The following ZBTB43 variants were observed in gnomAD, a reference collection of about 807,000 sequenced individuals.
ZBTB43 encodes zinc finger and BTB domain-containing protein 43.
A neutral mutation model predicts 31.1 loss-of-function variants in ZBTB43; 6 were observed. That is an observed-to-expected ratio of 0.19 (90% CI 0.11 to 0.38). The LOEUF (loss-of-function observed/expected upper bound fraction) is 0.38. ZBTB43 is among the 10% of genes least tolerant of loss of function. The pLI is 1.00. For missense variants in ZBTB43, 379 were observed against 602.1 expected, an observed-to-expected ratio of 0.63 and a Z score of 3.88; for synonymous variants, 212 against 221.7, an observed-to-expected ratio of 0.96 and a Z score of 0.39.
intron 2 of ZBTB43, among the ~76,000 whole-genome samples, chr9:126,811,584 C>T (rs921245368): frequency 1.3e-5 from 2 of 152,110 alleles, no homozygotes; most frequent in African/African-American, 2.4e-5. Flanking sequence ...AATTCAAAGT[C>T]GGCATTGGTA....
intron 1 of ZBTB43, among the ~76,000 whole-genome samples, chr9:126,806,988 C>T (rs987664097): frequency 1.3e-5 from 2 of 152,102 alleles, no homozygotes; most frequent in African/African-American, 4.8e-5. Flanking sequence ...TGAAAAATAG[C>T]CCTTTTATTA....
At chr9:126,807,157 A>G (rs2032144675) in intron 1 of ZBTB43, among the ~76,000 whole-genome samples, 1 of 152,182 alleles carries the variant, frequency 6.6e-6, no homozygotes, top group South Asian at 2.1e-4. Flanking sequence ...TACTTTATTT[A>G]ATTGAATCCT....
intron 2 of ZBTB43, among the ~76,000 whole-genome samples, chr9:126,811,403 A>G (rs2032245964): frequency 6.6e-6 from 1 of 152,124 alleles, no homozygotes; most frequent in African/African-American, 2.4e-5. Context: ...AAAAATACCT[A>G]TTGAGTGGGT....
rs1166902166 is a variant in ZBTB43, at chr9:126,834,960, G to A, written c.*1047G>A. 6.0e-6 allele frequency: 1 copy of A among 167,014 alleles called. No homozygotes were observed. Among genetic ancestry groups the A allele is most frequent in the East Asian group, 1.9e-4 (1 of 5,200 alleles). 10.3% of individuals were successfully genotyped at this position (167,014 alleles called of 1,614,324 possible). On this transcript the variant is annotated 3_prime_UTR_variant, in exon 3 of 3. Transcript: ENST00000373464. Reference sequence around the variant, plus strand: ...GACACTCCACCAACCAGAGTGAGAGGGCAGATAGGCAGGATTCTATGAGTG... The same window carrying A: ...GACACTCCACCAACCAGAGTGAGAGAGCAGATAGGCAGGATTCTATGAGTG...
intron 2 of ZBTB43, among the ~76,000 whole-genome samples, chr9:126,811,074 T>G (rs996127650): frequency 4.0e-5 from 6 of 151,402 alleles, no homozygotes; most frequent in African/African-American, 1.5e-4. Flanking sequence ...ACACAAAAAT[T>G]AGCTGGGCGT....
In ZBTB43 at chr9:126,838,201, C is replaced by T. The variant is rs983854271; in HGVS notation, c.*4288C>T. On this transcript the variant is annotated 3_prime_UTR_variant, in exon 3 of 3. Transcript: ENST00000373464. ...TGTTTTAATAAATGTTATCTGTCAACTTTGTAAAAGTTTTGTTTTTCACTA... is the reference window on the plus strand; with the variant it reads ...TGTTTTAATAAATGTTATCTGTCAATTTTGTAAAAGTTTTGTTTTTCACTA... 6.2e-6 allele frequency: 1 copy of T among 161,066 alleles called. No individual in the cohort carries two copies. Among genetic ancestry groups the T allele is most frequent in the East Asian group, 1.9e-4 (1 of 5,202 alleles). The allele number at this position is 161,066 out of a possible 1,614,324, so 10.0% of individuals were successfully genotyped here.
chr9:126,804,591 TCTC>T (rs1244536262), upstream of ZBTB43, among the ~76,000 whole-genome samples: 2 of 152,090 alleles, frequency 1.3e-5, no homozygotes, highest in Non-Finnish European at 2.9e-5. Flanking sequence ...TTCAGGCAAT[TCTC>T]CTGTCTCAGC....
chr9:126,823,132 A>G (rs955738700), intron 2 of ZBTB43, among the ~76,000 whole-genome samples: 1 of 152,114 alleles, frequency 6.6e-6, no homozygotes, highest in African/African-American at 2.4e-5. Context: ...ACTGGTTTAT[A>G]ATGTTGTTCA....
At chr9:126,825,455 A>G (rs1419854035) in intron 2 of ZBTB43, among the ~76,000 whole-genome samples, 2 of 152,116 alleles carry the variant, frequency 1.3e-5, no homozygotes, top group Non-Finnish European at 2.9e-5. Flanking sequence ...GTATTTTCTC[A>G]CAGTTCTGGA....
At chr9:126,828,498 A>G (rs1011704304) in intron 2 of ZBTB43, among the ~76,000 whole-genome samples, 1 of 150,960 alleles carries the variant, frequency 6.6e-6, no homozygotes, top group African/African-American at 2.4e-5. Flanking sequence ...TTTTATTTTC[A>G]AAAATAATTT....
intron 2 of ZBTB43, among the ~76,000 whole-genome samples, chr9:126,828,651 A>G (rs12554614): frequency 7.9e-6 from 1 of 126,524 alleles, no homozygotes; most frequent in African/African-American, 3.0e-5. Flanking sequence ...TAATAATAAT[A>G]ATAATTATTA....
At chr9:126,823,040 G>A (rs935150762) in intron 2 of ZBTB43, among the ~76,000 whole-genome samples, 2 of 151,924 alleles carry the variant, frequency 1.3e-5, no homozygotes, top group African/African-American at 4.8e-5. Context: ...CTTTATTATG[G>A]TGTTTATTTT....
At chr9:126,830,466 G>A (rs542505892) in intron 2 of ZBTB43, among the ~76,000 whole-genome samples, 3 of 152,288 alleles carry the variant, frequency 2.0e-5, no homozygotes, top group Admixed American at 6.5e-5. Context: ...ACAACGTGGC[G>A]AAACCCTGTC....
intron 2 of ZBTB43, among the ~76,000 whole-genome samples, chr9:126,821,801 C>T (rs898258479): frequency 6.6e-6 from 1 of 152,190 alleles, no homozygotes; most frequent in African/African-American, 2.4e-5. Context: ...CTTTTCTAAC[C>T]TGTGGCCCAG....
chr9:126,813,719 A>C (rs1043724963), intron 2 of ZBTB43, among the ~76,000 whole-genome samples: 5 of 151,848 alleles, frequency 3.3e-5, no homozygotes, highest in African/African-American at 7.3e-5. Flanking sequence ...GTGATTTATA[A>C]TTTTTCTTTC....
At chr9:126,815,520 T>C (rs1257957377) in intron 2 of ZBTB43, among the ~76,000 whole-genome samples, 2 of 151,496 alleles carry the variant, frequency 1.3e-5, no homozygotes, top group African/African-American at 4.8e-5. Context: ...TCTGTATGTT[T>C]TATTTTGGGT....
intron 2 of ZBTB43, among the ~76,000 whole-genome samples, chr9:126,818,420 C>T (rs748987375): frequency 7.2e-5 from 11 of 151,952 alleles, no homozygotes; most frequent in Non-Finnish European, 1.0e-4. Flanking sequence ...CACACATGGC[C>T]GTTGTGTAGA....
chr9:126,809,742 A>G (rs2032201663), intron 2 of ZBTB43, among the ~76,000 whole-genome samples: 2 of 152,344 alleles, frequency 1.3e-5, no homozygotes, highest in South Asian at 4.1e-4. Context: ...TTTAAGAAGC[A>G]TAGTGGAACA....
At chr9:126,816,868 C>T (rs1172195509) in intron 2 of ZBTB43, among the ~76,000 whole-genome samples, 2 of 152,070 alleles carry the variant, frequency 1.3e-5, no homozygotes, top group African/African-American at 2.4e-5. Context: ...CTACGGAGTC[C>T]CACCCCCTTA....
Sources: gnomAD v4.1 joint callset for allele counts (sites outside exome capture counted in the v4.1 genomes callset) on GRCh38, gnomAD v4.1.1 for gene constraint, MANE v1.5 for transcripts, NCBI Gene and HGNC (gene_info 2026-07-23, HGNC 2026-07-21) for gene names.